Variants in DLG2 observed in about 807,000 individuals in gnomAD.
The protein encoded by DLG2 is discs large MAGUK scaffold protein 2, also known as disks large homolog 2.
A neutral mutation model predicts 132.5 loss-of-function variants in DLG2; 45 were observed. That is an observed-to-expected ratio of 0.34 (90% CI 0.27 to 0.44). DLG2 has a LOEUF of 0.44. Among genes scored for constraint, DLG2 ranks in the 20% least tolerant of loss-of-function variants. DLG2 has a pLI of 1.00. For missense variants in DLG2, 1,045 were observed against 1,196.9 expected (o/e 0.87, Z 1.87); for synonymous variants, 424 against 419.6 (o/e 1.01, Z -0.13).
At position 85,459,387 on chromosome 11, in the gene DLG2, T is replaced by G. The variant is rs188318301; in HGVS notation, c.40+139270A>C. 1.1e-3 allele frequency among the ~76,000 whole-genome samples: 168 copies of G among 152,088 alleles called. 1 individual carries two copies. The highest frequency in any genetic ancestry group is 3.9e-3 in the African/African-American group (163 of 41,482). ...CTCTCCATATGGTGACTGTGGTGTA[T>G]TGGAAGCTCAGGTGAAGCCCTCAGG... On this transcript the variant is annotated intron_variant, in intron 3 of 27. Coordinates refer to ENST00000376104, the MANE Select transcript of DLG2 (RefSeq NM_001142699.3).
intron 6 of DLG2, among the ~76,000 whole-genome samples, chr11:84,819,758 T>C (rs1220815459): frequency 1.3e-5 from 2 of 151,820 alleles, no homozygotes; most frequent in Non-Finnish European, 2.9e-5. Context: ...TTTAGCCAAA[T>C]GGCTTTGAAG....
intron 18 of DLG2, among the ~76,000 whole-genome samples, chr11:83,702,226 C>T (rs1249437610): frequency 6.6e-6 from 1 of 152,118 alleles, no homozygotes; most frequent in African/African-American, 2.4e-5. Flanking sequence ...TTAACAGTGT[C>T]AGTACTGGTT....
At chr11:84,318,143 G>C (rs1451524772) in intron 7 of DLG2, among the ~76,000 whole-genome samples, 1 of 152,152 alleles carries the variant, frequency 6.6e-6, no homozygotes, top group Non-Finnish European at 1.5e-5. Context: ...TCCAAAGACA[G>C]AATTTTCAAA....
At position 84,240,144 on chromosome 11, in the gene DLG2, T is replaced by G. The variant is rs2097207709; in HGVS notation, c.573+11094A>C. Reference sequence around the variant, plus strand: ...AACAATGTCCATCTCTGTACTTCTTTTAACCTGCTATTTAGCACGTCAGCA... The same window carrying G: ...AACAATGTCCATCTCTGTACTTCTTGTAACCTGCTATTTAGCACGTCAGCA... On this transcript the variant is annotated intron_variant, in intron 8 of 27. Transcript: ENST00000376104. 2.0e-5 allele frequency among the ~76,000 whole-genome samples: 3 copies of G among 152,216 alleles called. No homozygotes were observed. In the South Asian group the frequency reaches 6.2e-4, roughly 32 times the overall value.
chr11:84,555,787 G>A (rs962599531), intron 6 of DLG2, among the ~76,000 whole-genome samples: 2 of 152,170 alleles, frequency 1.3e-5, no homozygotes, highest in Non-Finnish European at 2.9e-5. Context: ...AGTTTAAAAT[G>A]GTTAACATAG....
chr11:84,886,751 T>G (rs904502104), intron 6 of DLG2, among the ~76,000 whole-genome samples: 7 of 152,164 alleles, frequency 4.6e-5, no homozygotes, highest in African/African-American at 1.7e-4. Context: ...ACATGAAGAA[T>G]GTTTGACAGA....
At chr11:84,861,618 C>CAAAAAAAGAAAAAAAAAAAAAA (rs2083656458) in intron 6 of DLG2, among the ~76,000 whole-genome samples, 1 of 35,828 alleles carries the variant, frequency 2.8e-5, no homozygotes, top group Non-Finnish European at 4.7e-5. Flanking sequence ...TTCTACACAG[C>CAAAAAAAGAAAAAAAAAAAAAA]AAAAAAAAAA....
At chr11:84,600,898 A>T (rs1238847371) in intron 6 of DLG2, among the ~76,000 whole-genome samples, 1 of 152,216 alleles carries the variant, frequency 6.6e-6, no homozygotes, top group Non-Finnish European at 1.5e-5. Context: ...GTAGGTGTCC[A>T]AGGAATGTTT....
In DLG2 at chr11:84,968,823, C is replaced by T. The variant is rs1014520311; in HGVS notation, c.357+142838G>A. On this transcript the variant is annotated intron_variant, in intron 6 of 27. Transcript: ENST00000376104. ...TAGTGGCAGAACTGAGATTACAACA[C>T]ACTCCTTCTAGGCTCTGATTAGCCT... Among the ~76,000 whole-genome samples the T allele has an allele frequency of 9.2e-5, 14 of 152,228 alleles. No homozygotes were observed. In the East Asian group the frequency reaches 2.5e-3, roughly 27 times the overall value.
At chr11:85,306,992 T>C (rs2079992246) in intron 3 of DLG2, among the ~76,000 whole-genome samples, 1 of 152,234 alleles carries the variant, frequency 6.6e-6, no homozygotes, top group Non-Finnish European at 1.5e-5. Context: ...AAAGTCAATG[T>C]CATCTCAAGA....
At chr11:85,021,914 T>A (rs2154140410) in intron 6 of DLG2, among the ~76,000 whole-genome samples, 1 of 152,200 alleles carries the variant, frequency 6.6e-6, no homozygotes, top group African/African-American at 2.4e-5. Flanking sequence ...TCACAAAAAA[T>A]TAGTATATAT....
At chr11:85,199,942 C>CCT (rs1565148084) in intron 4 of DLG2, among the ~76,000 whole-genome samples, 1 of 140,954 alleles carries the variant, frequency 7.1e-6, no homozygotes. Flanking sequence ...CCAGGAATTA[C>CCT]TTTTTTTTTT....
At chr11:84,888,794 G>A (rs965949149) in intron 6 of DLG2, among the ~76,000 whole-genome samples, 4 of 152,102 alleles carry the variant, frequency 2.6e-5, no homozygotes, top group Admixed American at 6.6e-5. Context: ...CATGTTGGCT[G>A]GTTCTGCTAT....
intron 3 of DLG2, among the ~76,000 whole-genome samples, chr11:85,439,494 G>A (rs748901171): frequency 3.3e-5 from 5 of 151,754 alleles, no homozygotes; most frequent in African/African-American, 4.8e-5. Context: ...TAAGTAGCTG[G>A]GACTACAGGC....
chr11:85,418,733 T>C (rs184336640), intron 3 of DLG2, among the ~76,000 whole-genome samples: 30 of 149,998 alleles, frequency 2.0e-4, no homozygotes, highest in South Asian at 2.1e-4. Context: ...TGTTGGTTTA[T>C]CAGAGACTAG....
At chr11:85,608,614 G>A (rs568282269) in intron 2 of DLG2, among the ~76,000 whole-genome samples, 1 of 151,910 alleles carries the variant, frequency 6.6e-6, no homozygotes, top group African/African-American at 2.4e-5. Flanking sequence ...AATCTCCCCG[G>A]CCCAGAAGGA....
At chr11:84,172,196 T>C (rs1446165473) in intron 8 of DLG2, among the ~76,000 whole-genome samples, 1 of 152,222 alleles carries the variant, frequency 6.6e-6, no homozygotes, top group Admixed American at 6.5e-5. Context: ...GGTATACATC[T>C]GGTTATTTTA....
At chr11:85,420,146 C>T (rs1271611130) in intron 3 of DLG2, among the ~76,000 whole-genome samples, 1 of 152,130 alleles carries the variant, frequency 6.6e-6, no homozygotes, top group Non-Finnish European at 1.5e-5. Flanking sequence ...GATGTTGATG[C>T]TATTCCTTTC....
intron 3 of DLG2, among the ~76,000 whole-genome samples, chr11:85,565,422 T>C (rs1374965885): frequency 1.3e-5 from 2 of 152,090 alleles, no homozygotes; most frequent in Non-Finnish European, 2.9e-5. Context: ...TTTTAGTATA[T>C]TCACAATATT....
Sources: allele counts gnomAD v4.1 joint callset (sites outside exome capture counted in the v4.1 genomes callset), GRCh38; gene constraint gnomAD v4.1.1; transcripts MANE v1.5; gene names NCBI Gene and HGNC (gene_info 2026-07-23, HGNC 2026-07-21).